DPP10: variants seen among roughly 807,000 people sequenced by gnomAD.
DPP10 encodes the protein dipeptidyl peptidase like 10, also known as inactive dipeptidyl peptidase 10.
Under a neutral mutation model 120.9 loss-of-function variants are expected in DPP10, and 33 were observed. The ratio of observed to expected loss-of-function variants is 0.27; its 90% CI spans 0.21 to 0.37. The LOEUF (loss-of-function observed/expected upper bound fraction) is 0.37. DPP10 is among the 10% of genes least tolerant of loss of function. The pLI, the probability that DPP10 is intolerant of heterozygous loss-of-function variation, is 1.00. For missense variants in DPP10, 816 were observed against 942.8 expected, an observed-to-expected ratio of 0.87 and a Z score of 1.76; for synonymous variants, 337 against 326.1, an observed-to-expected ratio of 1.03 and a Z score of -0.36.
intron 1 of DPP10, among the ~76,000 whole-genome samples, chr2:114,794,152 G>A (rs1055035532): frequency 4.6e-5 from 7 of 152,142 alleles, no homozygotes; most frequent in Non-Finnish European, 8.8e-5. Flanking sequence ...CTAGAGGATA[G>A]CATTTCCACC....
intron 3 of DPP10, among the ~76,000 whole-genome samples, chr2:115,434,362 G>A (rs1051987007): frequency 6.6e-6 from 1 of 151,822 alleles, no homozygotes; most frequent in African/African-American, 2.4e-5. Context: ...CTGAACACTT[G>A]CTTTTCACAC....
chr2:115,483,475 C>CTATCTATCTATCTA (rs556720925), intron 3 of DPP10, among the ~76,000 whole-genome samples: 5 of 84,906 alleles, frequency 5.9e-5, no homozygotes, highest in Admixed American at 2.4e-4. Context: ...ATCTATCTAT[C>CTATCTATCTATCTA]TATCTGTATG....
intron 4 of DPP10, among the ~76,000 whole-genome samples, chr2:115,504,022 G>C (rs1191981601): frequency 4.6e-5 from 7 of 152,102 alleles, no homozygotes; most frequent in Non-Finnish European, 5.9e-5. Flanking sequence ...CTTTTAAATT[G>C]ATAATTTTAA....
chr2:115,504,145 T>G (rs1416363917), intron 4 of DPP10, among the ~76,000 whole-genome samples: 2 of 152,142 alleles, frequency 1.3e-5, no homozygotes, highest in Non-Finnish European at 2.9e-5. Flanking sequence ...GGCCTTGGCT[T>G]CCTCTCTTGT....
At chr2:115,193,096 T>A (rs1240108332) in intron 1 of DPP10, among the ~76,000 whole-genome samples, 1 of 152,192 alleles carries the variant, frequency 6.6e-6, no homozygotes, top group Admixed American at 6.5e-5. Flanking sequence ...GTTTCTTCAA[T>A]AGTTTTACAT....
intron 1 of DPP10, among the ~76,000 whole-genome samples, chr2:115,212,090 T>C (rs1447991509): frequency 6.6e-6 from 1 of 152,138 alleles, no homozygotes; most frequent in Non-Finnish European, 1.5e-5. Flanking sequence ...GTCAAGTACT[T>C]GTACTTTATC....
chr2:115,633,889 T>G (rs2149326716), intron 5 of DPP10, among the ~76,000 whole-genome samples: 1 of 152,308 alleles, frequency 6.6e-6, no homozygotes, highest in African/African-American at 2.4e-5. Context: ...TACAACTTGG[T>G]TTCATTCTGC....
Position 115,265,268 on chromosome 2 carries a change from C to CATATATAT in DPP10, c.61-43954_61-43947dup, listed in dbSNP as rs55778302. On this transcript the variant is annotated intron_variant, in intron 1 of 25. Coordinates refer to ENST00000410059, the MANE Select transcript of DPP10 (RefSeq NM_020868.6). Reference sequence around the variant, plus strand: ...TATTTTGTCCTTTGGCTTTGGATTCCATATATATATATATATATATATATG... The same window carrying CATATATAT: ...TATTTTGTCCTTTGGCTTTGGATTCCATATATATATATATATATATATATATATATATG... 6.2e-3 allele frequency among the ~76,000 whole-genome samples: 882 copies of CATATATAT among 142,492 alleles called. 4 individuals carry two copies. The highest frequency in any genetic ancestry group is 9.2e-3 in the Non-Finnish European group (601 of 65,620). 93.5% of individuals were successfully genotyped at this position (142,492 alleles called of 152,430 possible).
intron 1 of DPP10, among the ~76,000 whole-genome samples, chr2:115,126,493 A>G (rs1225197359): frequency 6.6e-6 from 1 of 152,222 alleles, no homozygotes; most frequent in Non-Finnish European, 1.5e-5. Flanking sequence ...GTTGAAAGAT[A>G]TTTATTTAAA....
At chr2:115,384,172 G>A (rs578180762) in intron 3 of DPP10, among the ~76,000 whole-genome samples, 33 of 152,234 alleles carry the variant, frequency 2.2e-4, no homozygotes, top group African/African-American at 7.7e-4. Flanking sequence ...CTCAAAGAAA[G>A]TCATAGAAAC....
intron 1 of DPP10, among the ~76,000 whole-genome samples, chr2:114,514,428 AC>A (rs1051795681): frequency 6.6e-6 from 1 of 152,206 alleles, no homozygotes; most frequent in African/African-American, 2.4e-5. Context: ...CACCTTCAAA[AC>A]CACCCTATGA....
chr2:114,581,417 T>C (rs1189441249), intron 1 of DPP10, among the ~76,000 whole-genome samples: 2 of 152,176 alleles, frequency 1.3e-5, no homozygotes, highest in African/African-American at 4.8e-5. Context: ...CCTCCTGACC[T>C]GGTGATCAGC....
chr2:115,646,649 A>C (rs2087287347), intron 5 of DPP10, among the ~76,000 whole-genome samples: 1 of 152,170 alleles, frequency 6.6e-6, no homozygotes, highest in Non-Finnish European at 1.5e-5. Context: ...CCATTTAAAA[A>C]CATTCTTAGG....
intron 1 of DPP10, among the ~76,000 whole-genome samples, chr2:114,953,367 A>G (rs1697937969): frequency 6.6e-6 from 1 of 152,136 alleles, no homozygotes; most frequent in Admixed American, 6.5e-5. Context: ...TGTCCTATAA[A>G]CCAAAGTATT....
chr2:114,684,584 C>A (rs2105731469), intron 1 of DPP10, among the ~76,000 whole-genome samples: 1 of 152,068 alleles, frequency 6.6e-6, no homozygotes, highest in East Asian at 2.0e-4. Context: ...CACTAGGACA[C>A]ATCAAACAAC....
intron 5 of DPP10, among the ~76,000 whole-genome samples, chr2:115,654,149 C>G (rs1326191085): frequency 2.0e-5 from 3 of 151,734 alleles, no homozygotes; most frequent in Non-Finnish European, 4.4e-5. Context: ...TTCATCCACC[C>G]TGCTTCCCCC....
At chr2:115,664,963 C>T (rs938716884) in intron 5 of DPP10, among the ~76,000 whole-genome samples, 2 of 152,144 alleles carry the variant, frequency 1.3e-5, no homozygotes, top group African/African-American at 4.8e-5. Context: ...CTCTAGTCGC[C>T]TATGGCTATG....
intron 8 of DPP10, among the ~76,000 whole-genome samples, chr2:115,730,665 G>A (rs1192520020): frequency 6.6e-6 from 1 of 152,112 alleles, no homozygotes; most frequent in Non-Finnish European, 1.5e-5. Flanking sequence ...ACCGTTTCCT[G>A]ACAAATACGG....
At chr2:115,544,005 C>G (rs1298903886) in intron 5 of DPP10, among the ~76,000 whole-genome samples, 1 of 151,362 alleles carries the variant, frequency 6.6e-6, no homozygotes, top group Non-Finnish European at 1.5e-5. Context: ...ATTGAAAAGT[C>G]TTCCCTTCCG....
Sources: allele counts gnomAD v4.1 joint callset (sites outside exome capture counted in the v4.1 genomes callset), GRCh38; gene constraint gnomAD v4.1.1; transcripts MANE v1.5; gene names NCBI Gene and HGNC (gene_info 2026-07-23, HGNC 2026-07-21).